The following CD80 variants were observed in gnomAD, a reference collection of about 807,000 sequenced individuals.
The protein encoded by CD80 is CD80 molecule.
CD80 carries 13 observed loss-of-function variants against 27.1 expected under a neutral mutation model. The observed-to-expected ratio is 0.48, with a 90% CI of 0.31 to 0.76. The LOEUF (loss-of-function observed/expected upper bound fraction) is 0.76. Among genes scored for constraint, CD80 ranks in the 30% least tolerant of loss-of-function variants. CD80 has a pLI of 0.04. For missense variants in CD80, 277 were observed against 347.9 expected, an observed-to-expected ratio of 0.80 and a Z score of 1.62; for synonymous variants, 125 against 125.5, an observed-to-expected ratio of 1.00 and a Z score of 0.03.
intron 4 of CD80, 60 bp from the exon 5 acceptor site, chr3:119,529,997 CTG>C: frequency 8.2e-7 from 1 of 1,225,458 alleles, no homozygotes; most frequent in South Asian, 1.3e-5. Flanking sequence ...GATACTCATT[CTG>C]TGCCTTTTCT....
chr3:119,536,439 C>A (rs934774976), intron 4 of CD80, among the ~76,000 whole-genome samples: 1 of 152,034 alleles, frequency 6.6e-6, no homozygotes, highest in Non-Finnish European at 1.5e-5. Context: ...CACCTGGGCT[C>A]AAGTAAGCCA....
chr3:119,553,362 A>G (rs373880353), intron 2 of CD80, among the ~76,000 whole-genome samples: 1 of 151,972 alleles, frequency 6.6e-6, no homozygotes, highest in South Asian at 2.1e-4. Flanking sequence ...CTGGTCTCAA[A>G]CTCCTGACCT....
chr3:119,549,218 T>TG (rs35473497), intron 2 of CD80, among the ~76,000 whole-genome samples: 45,548 of 152,016 alleles, frequency 0.3, 8,120 homozygotes, highest in Non-Finnish European at 0.39. Flanking sequence ...CTGCAGTCCA[T>TG]GCCATACAAT....
chr3:119,552,785 CAT>C (rs1560058793), intron 2 of CD80, among the ~76,000 whole-genome samples: 2 of 152,056 alleles, frequency 1.3e-5, no homozygotes, highest in Non-Finnish European at 2.9e-5. Flanking sequence ...ACCTGAAAGA[CAT>C]AATGCTCAGT....
At chr3:119,544,922 A>ATATTTATTAAATATTTATTAAATT (rs1302538947) in intron 2 of CD80, 55 bp from the exon 3 acceptor site, 141 of 1,413,736 alleles carry the variant, frequency 1.0e-4, no homozygotes, top group Non-Finnish European at 1.3e-4. Context: ...AGATTCCTGC[A>ATATTTATTAAATATTTATTAAATT]TGGTCAGGAA....
intron 4 of CD80, 103 bp from the exon 5 acceptor site, chr3:119,530,040 G>A: frequency 1.3e-6 from 1 of 791,620 alleles, no homozygotes; most frequent in Non-Finnish European, 2.1e-6. Context: ...TTCTTTGCCT[G>A]GTCAGCTCTC....
intron 5 of CD80, among the ~76,000 whole-genome samples, chr3:119,528,778 TAGTC>T (rs1380020994): frequency 6.6e-6 from 1 of 151,494 alleles, no homozygotes; most frequent in East Asian, 2.0e-4. Context: ...AAAAAAAAAT[TAGTC>T]AGGCGTGGCA....
Position 119,531,525 on chromosome 3 carries a change from A to G in CD80, c.701-1588T>C, listed in dbSNP as rs115889025. 5.1e-3 allele frequency among the ~76,000 whole-genome samples: 779 copies of G among 152,308 alleles called. 7 individuals carry two copies. Among genetic ancestry groups the G allele is most frequent in the African/African-American group, 0.018 (750 of 41,564 alleles). On this transcript the variant is annotated intron_variant, in intron 4 of 6. Coordinates refer to ENST00000264246, the MANE Select transcript of CD80 (RefSeq NM_005191.4). ...TTGTGCTATCTAAATTTTTCCTGCA[A>G]ACCATTGAGTCGGAGGCAGGAGCAT...
In CD80 at chr3:119,537,298, T is replaced by C. The variant is rs1348844930; in HGVS notation, c.539A>G (p.Glu180Gly). Residue 180 changes from glutamate to glycine, a missense_variant, in exon 4 of 7, where the codon GAA becomes GGA. Coordinates refer to ENST00000264246, the MANE Select transcript of CD80 (RefSeq NM_005191.4). ...EPHLSWLENG[E>G]ELNAINTTVS... ...TGTTGTGTTGATGGCATTTAATTCT[T>C]CTCCATTTTCCAACCAGGAGAGGTG... The C allele has an allele frequency of 1.2e-6, 2 of 1,614,026 alleles. No individual in the cohort carries two copies. The highest frequency in any genetic ancestry group is 1.7e-6 in the Non-Finnish European group (2 of 1,180,006).
intron 6 of CD80, among the ~76,000 whole-genome samples, chr3:119,526,186 C>T (rs902005982): frequency 7.9e-5 from 12 of 152,228 alleles, no homozygotes; most frequent in African/African-American, 2.9e-4. Context: ...AATAAACCTA[C>T]ATACAGTCCA....
At chr3:119,537,874 A>G (rs973764838) in intron 3 of CD80, among the ~76,000 whole-genome samples, 1 of 152,246 alleles carries the variant, frequency 6.6e-6, no homozygotes, top group Non-Finnish European at 1.5e-5. Context: ...ATTAATAGTT[A>G]TGTATAATCC....
chr3:119,529,072 C>T (rs2082095843), intron 5 of CD80, among the ~76,000 whole-genome samples: 1 of 151,998 alleles, frequency 6.6e-6, no homozygotes, highest in Non-Finnish European at 1.5e-5. Context: ...GCTTCAGCCT[C>T]CTGAGTAGCT....
intron 5 of CD80, 139 bp downstream of exon 5, chr3:119,529,703 A>T (rs2082098896): frequency 3.2e-6 from 2 of 626,254 alleles, no homozygotes; most frequent in African/African-American, 3.7e-5. Flanking sequence ...GAGACAAGTA[A>T]AGGAGATGCT....
intron 2 of CD80, among the ~76,000 whole-genome samples, chr3:119,545,214 G>A (rs1290667185): frequency 1.3e-5 from 2 of 152,058 alleles, no homozygotes; most frequent in Middle Eastern, 3.4e-3. Context: ...GTGTGGTGGC[G>A]GGTGTAGTAA....
At chr3:119,526,547 C>G (rs528076012) in intron 6 of CD80, among the ~76,000 whole-genome samples, 1 of 152,006 alleles carries the variant, frequency 6.6e-6, no homozygotes, top group South Asian at 2.1e-4. Context: ...GGGAAAGGAG[C>G]CTGAACTTGA....
At position 119,544,595 on chromosome 3, in the gene CD80, C is replaced by A; in HGVS notation, c.373G>T (p.Ala125Ser). ...ECVVLKYEKD[A>S]FKREHLAEVT... The stretch of plus-strand genomic sequence containing the variant: ...TCAGCCAGGTGTTCCCGCTTGAAAG[C>A]GTCTTTTTCATACTTCAGAACAACA... The change falls in exon 3 of 7, where the codon GCT (alanine) becomes TCT (serine). Residue 125 changes from alanine to serine, a missense_variant. By Grantham distance (99) the Ala-to-Ser change is moderately conservative (BLOSUM62 1). Coordinates refer to ENST00000264246, the MANE Select transcript of CD80 (RefSeq NM_005191.4). 6.2e-7 allele frequency: 1 copy of A among 1,614,130 alleles called. No homozygotes were observed. The highest frequency in any genetic ancestry group is 8.5e-7 in the Non-Finnish European group (1 of 1,179,994).
At chr3:119,557,481 A>C (rs1388685435) in intron 2 of CD80, 148 bp downstream of exon 2, 1 of 488,092 alleles carries the variant, frequency 2.0e-6, no homozygotes, top group African/African-American at 2.0e-5. Context: ...TTTGGACCAC[A>C]GTCTTCTAAT....
chr3:119,543,438 A>G (rs1453491162), intron 3 of CD80, among the ~76,000 whole-genome samples: 1 of 150,478 alleles, frequency 6.6e-6, no homozygotes, highest in Non-Finnish European at 1.5e-5. Context: ...CAGTAGGGAA[A>G]TGCTCACCCT....
rs575326321 is a variant in CD80 at position 119,534,094 on chromosome 3, G to C, written c.700+3043C>G. ...TTTAAAAATGAAATTTTGTGGCTGG[G>C]TGTAGTGGCTCACACCTGTAATCAC... On this transcript the variant is annotated intron_variant, in intron 4 of 6. Coordinates refer to ENST00000264246, the MANE Select transcript of CD80 (RefSeq NM_005191.4). Among the ~76,000 whole-genome samples, 6 of 152,258 alleles carry C rather than the reference G, an allele frequency of 3.9e-5. No homozygotes were observed. In the South Asian group the frequency reaches 1.2e-3, roughly 32 times the overall value.
Sources: allele counts gnomAD v4.1 joint callset (sites outside exome capture counted in the v4.1 genomes callset), GRCh38; gene constraint gnomAD v4.1.1; transcripts MANE v1.5; gene names NCBI Gene and HGNC (gene_info 2026-07-23, HGNC 2026-07-21).